ZDHHC9: variants seen among roughly 807,000 people sequenced by gnomAD.
ZDHHC9 encodes the protein palmitoyltransferase ZDHHC9.
A neutral mutation model predicts 26.6 loss-of-function variants in ZDHHC9; 3 were observed. The ratio of observed to expected loss-of-function variants is 0.11; its 90% confidence interval spans 0.05 to 0.29. ZDHHC9 has a LOEUF of 0.29. Among genes scored for constraint, ZDHHC9 ranks in the 10% least tolerant of loss-of-function variants. The pLI is 1.00. For missense variants in ZDHHC9, 146 were observed against 296.4 expected, an observed-to-expected ratio of 0.49 and a Z score of 3.73; for synonymous variants, 111 against 109.4, an observed-to-expected ratio of 1.01 and a Z score of -0.09.
At position 129,815,329 on chromosome X, in the gene ZDHHC9, C is replaced by T. The variant is rs1041978889; in HGVS notation, c.488-534G>A. On this transcript the variant is annotated intron_variant, in intron 5 of 10. Coordinates refer to ENST00000357166, the MANE Select transcript of ZDHHC9 (RefSeq NM_016032.4). ...GGAAGTATTATTCCATAAACAATTA[C>T]GTGACAATTGGCTATTTGGTGCAAA... Among the ~76,000 whole-genome samples the T allele has an allele frequency of 3.4e-4, 38 of 112,149 alleles. No individual in the cohort carries two copies. The Middle Eastern group carries it at 0.014, about 41-fold the overall frequency.
intron 10 of ZDHHC9, among the ~76,000 whole-genome samples, chrX:129,807,168 C>T (rs1268446547): frequency 3.6e-5 from 4 of 112,474 alleles, no homozygotes; most frequent in African/African-American, 6.5e-5. Context: ...TGATTCTGGC[C>T]GGGCGCGGTG....
intron 10 of ZDHHC9, among the ~76,000 whole-genome samples, chrX:129,808,347 C>T (rs773602050): frequency 2.7e-5 from 3 of 112,061 alleles, no homozygotes; most frequent in Admixed American, 9.5e-5. Flanking sequence ...ATCAAGACAG[C>T]GTGGTACTAG....
chrX:129,834,464 T>C (rs1480982954), intron 3 of ZDHHC9, among the ~76,000 whole-genome samples: 1 of 111,637 alleles, frequency 9.0e-6, no homozygotes, highest in Non-Finnish European at 1.9e-5. Flanking sequence ...CAGATTTACT[T>C]CTATGTGAAG....
At chrX:129,807,296 A>G (rs1212606389) in intron 10 of ZDHHC9, among the ~76,000 whole-genome samples, 4 of 104,410 alleles carry the variant, frequency 3.8e-5, no homozygotes, top group Admixed American at 2.0e-4. Context: ...AATACAAAAC[A>G]TTAGCCGGGC....
intron 3 of ZDHHC9, among the ~76,000 whole-genome samples, chrX:129,832,155 T>C (rs1397364860): frequency 9.2e-6 from 1 of 109,161 alleles, no homozygotes; most frequent in Non-Finnish European, 1.9e-5. Flanking sequence ...TCTTTGTATA[T>C]ATATCTTTAT....
At chrX:129,820,880 G>A (rs1200609222) in intron 5 of ZDHHC9, among the ~76,000 whole-genome samples, 2 of 111,107 alleles carry the variant, frequency 1.8e-5, no homozygotes. Flanking sequence ...CATCACCTAG[G>A]TATTAAGCCC....
At chrX:129,808,094 C>T (rs1169625114) in intron 10 of ZDHHC9, among the ~76,000 whole-genome samples, 1 of 111,888 alleles carries the variant, frequency 8.9e-6, no homozygotes, top group Non-Finnish European at 1.9e-5. Context: ...AAAATACAGT[C>T]CATGTAAATG....
intron 3 of ZDHHC9, among the ~76,000 whole-genome samples, chrX:129,838,753 CT>C (rs112048286): frequency 0.013 from 1,430 of 111,796 alleles, 26 homozygotes; most frequent in African/African-American, 0.044. Context: ...GGATGGACAA[CT>C]TTTTTTGTTT....
intron 10 of ZDHHC9, among the ~76,000 whole-genome samples, chrX:129,809,383 A>G (rs1927585715): frequency 8.9e-6 from 1 of 112,493 alleles, no homozygotes; most frequent in Admixed American, 9.4e-5. Context: ...TCATTTGGCC[A>G]TATAAAGGAA....
intron 2 of ZDHHC9, among the ~76,000 whole-genome samples, chrX:129,843,045 CTATT>C (rs1928418109): frequency 8.9e-6 from 1 of 112,667 alleles, no homozygotes; most frequent in African/African-American, 3.2e-5. Flanking sequence ...GTTGTGGCCT[CTATT>C]TACCGACACC....
At chrX:129,813,581 T>C in intron 7 of ZDHHC9, 96 bp downstream of exon 7, 2 of 906,754 alleles carry the variant, frequency 2.2e-6, no homozygotes, top group Non-Finnish European at 3.2e-6. Context: ...CTCTCTGATA[T>C]CTGAAAAACT....
At chrX:129,824,533 G>A (rs529614625) in intron 4 of ZDHHC9, among the ~76,000 whole-genome samples, 3 of 111,112 alleles carry the variant, frequency 2.7e-5, no homozygotes, top group African/African-American at 6.5e-5. Context: ...CAAGTGATCC[G>A]CCCGCCTCAG....
intron 3 of ZDHHC9, among the ~76,000 whole-genome samples, chrX:129,834,287 G>A (rs1162971146): frequency 3.6e-5 from 4 of 111,437 alleles, no homozygotes; most frequent in South Asian, 7.6e-4. Context: ...CCCAGTCGAT[G>A]GTAGTTTCTT....
chrX:129,829,376 A>C (rs751301993), intron 3 of ZDHHC9, among the ~76,000 whole-genome samples: 2 of 110,930 alleles, frequency 1.8e-5, no homozygotes, highest in African/African-American at 6.6e-5. Context: ...GCTTGAGGAC[A>C]CTCTCTTACC....
chrX:129,807,185 G>A (rs1927535751), intron 10 of ZDHHC9, among the ~76,000 whole-genome samples: 2 of 112,112 alleles, frequency 1.8e-5, no homozygotes, highest in Non-Finnish European at 3.8e-5. Context: ...GGTGGCTCAC[G>A]CCTGTAATCC....
At position 129,804,968 on chromosome X, in the gene ZDHHC9, T is replaced by C. The variant is rs1053487; in HGVS notation, c.*1402A>G. On this transcript the variant is annotated 3_prime_UTR_variant, in exon 11 of 11. Coordinates refer to ENST00000357166, the MANE Select transcript of ZDHHC9 (RefSeq NM_016032.4). Reference sequence around the variant, plus strand: ...TAGACACAGTTTAATCGCCTTCAAATAGATGAAAAGTTCTGGTTTACACTC... The same window carrying C: ...TAGACACAGTTTAATCGCCTTCAAACAGATGAAAAGTTCTGGTTTACACTC... 1.9e-5 allele frequency: 2 copies of C among 104,063 alleles called. No individual in the cohort carries two copies. The highest frequency in any genetic ancestry group is 2.2e-4 in the Admixed American group (2 of 9,144). The allele number at this position is 104,063 out of a possible 1,213,427, so 8.6% of individuals were successfully genotyped here.
intron 10 of ZDHHC9, among the ~76,000 whole-genome samples, chrX:129,808,761 C>CA (rs1476601730): frequency 5.4e-5 from 6 of 111,749 alleles, no homozygotes; most frequent in Non-Finnish European, 1.1e-4. Flanking sequence ...AGGACACTAT[C>CA]AAGAAAATTA....
At chrX:129,821,645 C>T (rs905082557) in intron 5 of ZDHHC9, among the ~76,000 whole-genome samples, 10 of 107,773 alleles carry the variant, frequency 9.3e-5, no homozygotes, top group South Asian at 8.8e-4. Flanking sequence ...TTTCGACAGC[C>T]GGGTGTGGTG....
At chrX:129,820,905 A>G (rs982085138) in intron 5 of ZDHHC9, among the ~76,000 whole-genome samples, 3 of 110,738 alleles carry the variant, frequency 2.7e-5, no homozygotes, top group African/African-American at 9.9e-5. Flanking sequence ...TGCATTAGCT[A>G]TTTTTCCTAA....
Sources: gnomAD v4.1 joint callset for allele counts (sites outside exome capture counted in the v4.1 genomes callset) on GRCh38, gnomAD v4.1.1 for gene constraint, MANE v1.5 for transcripts, NCBI Gene and HGNC (gene_info 2026-07-23, HGNC 2026-07-21) for gene names.